PATL2: variants seen among roughly 807,000 people sequenced by gnomAD.
PATL2 encodes protein PAT1 homolog 2.
In PATL2, 73 loss-of-function variants were observed where a neutral mutation model predicts 77.0. The observed-to-expected ratio is 0.95, with a 90% confidence interval of 0.78 to 1.15. The LOEUF is 1.15. Ranked by LOEUF, PATL2 falls within the 50% of genes most tolerant of loss-of-function variation. The pLI is 0.00. For synonymous variants in PATL2, 265 were observed against 257.1 expected, an observed-to-expected ratio of 1.03 and a Z score of -0.29; for missense variants, 618 against 655.4, an observed-to-expected ratio of 0.94 and a Z score of 0.62.
intron 5 of PATL2, 193 bp from the exon 6 acceptor site, chr15:44,674,423 A>G: frequency 1.7e-6 from 1 of 584,844 alleles, no homozygotes; most frequent in Non-Finnish European, 3.1e-6. Flanking sequence ...TGGGAGGAAT[A>G]AGACTAGTGC....
At chr15:44,679,129 C>G (rs992323248) in intron 3 of PATL2, among the ~76,000 whole-genome samples, 1 of 152,172 alleles carries the variant, frequency 6.6e-6, no homozygotes, top group South Asian at 2.1e-4. Context: ...TTGGCACGAT[C>G]TCAACTCACT....
At chr15:44,710,674 T>C (rs530852611) in intron 2 of PATL2, among the ~76,000 whole-genome samples, 197 bp downstream of exon 2, 4 of 152,340 alleles carry the variant, frequency 2.6e-5, no homozygotes, top group African/African-American at 9.6e-5. Flanking sequence ...ATTCATTCAT[T>C]CATCCATCCA....
intron 3 of PATL2, among the ~76,000 whole-genome samples, chr15:44,703,481 A>G (rs2086670951): frequency 6.6e-6 from 1 of 151,976 alleles, no homozygotes; most frequent in Non-Finnish European, 1.5e-5. Context: ...TGGAATGCAT[A>G]TATTTTTACA....
At chr15:44,671,569 G>T (rs1257254162) in intron 9 of PATL2, among the ~76,000 whole-genome samples, 1 of 151,898 alleles carries the variant, frequency 6.6e-6, no homozygotes, top group South Asian at 2.1e-4. Context: ...ATAAATAAAG[G>T]CAGAAGGAAG....
Position 44,669,374 on chromosome 15 carries a change from A to G in PATL2, c.970T>C (p.Tyr324His), listed in dbSNP as rs1367307891. 1 of 1,551,582 alleles carries G rather than the reference A, an allele frequency of 6.4e-7. No individual in the cohort carries two copies. Among genetic ancestry groups the G allele is most frequent in the South Asian group, 1.2e-5 (1 of 84,056 alleles). Residue 324 changes from tyrosine (Y) to histidine (H), a missense_variant, in exon 13 of 18, where the codon TAT becomes CAT. Physicochemically the swap from Tyr to His is moderately conservative, Grantham distance 83. Transcript: ENST00000682850. ...QLLEIEEGWK[Y>H]RPPPPCFSEQ... ...GAAAAGCAGGGCGGTGGAGGCCTATACTTCCAGCCTTCCTCTATTTCTAGT... is the reference window on the plus strand; with the variant it reads ...GAAAAGCAGGGCGGTGGAGGCCTATGCTTCCAGCCTTCCTCTATTTCTAGT...
intron 3 of PATL2, among the ~76,000 whole-genome samples, chr15:44,691,974 G>GA (rs2086402882): frequency 2.0e-5 from 3 of 152,054 alleles, no homozygotes; most frequent in Admixed American, 6.6e-5. Context: ...TTATAATAGG[G>GA]AAAAACTGCG....
intron 6 of PATL2, 73 bp from the exon 7 acceptor site, chr15:44,673,450 C>G: frequency 6.6e-7 from 1 of 1,512,230 alleles, no homozygotes; most frequent in Non-Finnish European, 8.9e-7. Context: ...TGTGAGGGCT[C>G]AGTTCCTTTC....
intron 3 of PATL2, among the ~76,000 whole-genome samples, chr15:44,684,279 G>A (rs1346306640): frequency 1.3e-5 from 2 of 151,968 alleles, no homozygotes. Context: ...TTCAGAAGGT[G>A]GGTAATAACA....
chr15:44,667,649 T>A (rs2085449881), intron 15 of PATL2, among the ~76,000 whole-genome samples: 1 of 152,194 alleles, frequency 6.6e-6, no homozygotes, highest in East Asian at 1.9e-4. Context: ...TGTCTTTTAT[T>A]ATATACCTAT....
intron 3 of PATL2, among the ~76,000 whole-genome samples, chr15:44,705,232 G>C (rs1421025711): frequency 6.6e-6 from 1 of 151,768 alleles, no homozygotes; most frequent in Non-Finnish European, 1.5e-5. Context: ...GTCCAGGCTG[G>C]AGTGCAGTGC....
rs1167202597 is a variant in PATL2 at position 44,705,985 on chromosome 15, A to G, written c.-76+4111T>C. On this transcript the variant is annotated intron_variant, in intron 3 of 17. Transcript: ENST00000682850. ...CCAGCTATTTTTGTATTTTTAGTAG[A>G]GATAGGGTTTCACCATGTTGGCCAA... Among the ~76,000 whole-genome samples the G allele has an allele frequency of 2.0e-5, 3 of 152,008 alleles. No homozygotes were observed. In the East Asian group the frequency reaches 5.8e-4, roughly 29 times the overall value.
intron 5 of PATL2, chr15:44,674,474 C>T (rs2085850473): frequency 2.2e-6 from 1 of 450,368 alleles, no homozygotes; most frequent in Admixed American, 3.8e-5. Context: ...TGTTCCGAGA[C>T]CCCCAAGGGA....
intron 3 of PATL2, among the ~76,000 whole-genome samples, chr15:44,689,905 G>A (rs1195781165): frequency 6.6e-6 from 1 of 152,098 alleles, no homozygotes; most frequent in South Asian, 2.1e-4. Context: ...ATATATGAAT[G>A]TTGGCCAAGC....
Position 44,685,225 on chromosome 15 carries a change from A to G in PATL2, c.-75-8660T>C, listed in dbSNP as rs186259503. Among the ~76,000 whole-genome samples the G allele has an allele frequency of 5.3e-3, 805 of 152,362 alleles. 2 individuals carry two copies. Among genetic ancestry groups the G allele is most frequent in the Non-Finnish European group, 8.0e-3 (542 of 68,042 alleles). On this transcript the variant is annotated intron_variant, in intron 3 of 17. Transcript: ENST00000682850. The stretch of plus-strand genomic sequence containing the variant: ...AATAACCGGCTAGCATCATAATGAC[A>G]GGATCAAATTCACACATAACAATAT...
At chr15:44,683,848 C>T (rs1013411303) in intron 3 of PATL2, among the ~76,000 whole-genome samples, 6 of 152,226 alleles carry the variant, frequency 3.9e-5, no homozygotes, top group East Asian at 1.9e-4. Context: ...AGGAGAGCTC[C>T]GGCTGGCATC....
At chr15:44,673,859 C>T (rs990462486) in intron 6 of PATL2, among the ~76,000 whole-genome samples, 7 of 152,190 alleles carry the variant, frequency 4.6e-5, no homozygotes, top group African/African-American at 7.2e-5. Flanking sequence ...TCCAGCTAAG[C>T]GCTGGCCATC....
chr15:44,670,764 A>AC (rs1273161545), intron 9 of PATL2, among the ~76,000 whole-genome samples: 2 of 152,198 alleles, frequency 1.3e-5, no homozygotes, highest in Non-Finnish European at 2.9e-5. Flanking sequence ...CACACTGCAT[A>AC]CCACCTGTCC....
In PATL2 at chr15:44,665,915, T is replaced by C; in HGVS notation, c.*38A>G. 1 of 1,550,552 alleles carries C rather than the reference T, an allele frequency of 6.4e-7. No homozygotes were observed. Among genetic ancestry groups the C allele is most frequent in the Non-Finnish European group, 8.7e-7 (1 of 1,146,568 alleles). The stretch of plus-strand genomic sequence containing the variant: ...AGTCTATGTAGCTAGTGTCTGATGA[T>C]TCAACTTCCCACATACACGTATTCC... On this transcript the variant is annotated 3_prime_UTR_variant, in exon 18 of 18. Coordinates refer to ENST00000682850, the MANE Select transcript of PATL2 (RefSeq NM_001387263.1).
At chr15:44,708,682 T>G (rs1595993575) in intron 3 of PATL2, among the ~76,000 whole-genome samples, 1 of 152,238 alleles carries the variant, frequency 6.6e-6, no homozygotes, top group Non-Finnish European at 1.5e-5. Flanking sequence ...GGATATATAC[T>G]CCAATGGGTT....
Sources: gnomAD v4.1 joint callset for allele counts (sites outside exome capture counted in the v4.1 genomes callset) on GRCh38, gnomAD v4.1.1 for gene constraint, MANE v1.5 for transcripts, NCBI Gene and HGNC (gene_info 2026-07-23, HGNC 2026-07-21) for gene names.